Variants in SGMS1 observed in about 807,000 individuals in gnomAD.
SGMS1 encodes phosphatidylcholine:ceramide cholinephosphotransferase 1.
A neutral mutation model predicts 46.2 loss-of-function variants in SGMS1; 13 were observed. The ratio of observed to expected loss-of-function variants is 0.28; its 90% CI spans 0.18 to 0.45. The LOEUF (loss-of-function observed/expected upper bound fraction) is 0.45. Ranked by LOEUF, SGMS1 falls within the 20% of genes least tolerant of loss-of-function variation. The probability of loss-of-function intolerance (pLI) is 1.00; values close to 1 mark genes in which losing one functional copy is unlikely to be tolerated. For missense variants in SGMS1, 324 were observed against 519.9 expected (o/e 0.62, Z 3.66); for synonymous variants, 203 against 187.8 (o/e 1.08, Z -0.66).
At chr10:50,593,417 C>T (rs949256964) in intron 1 of SGMS1, among the ~76,000 whole-genome samples, 1 of 152,134 alleles carries the variant, frequency 6.6e-6, no homozygotes, top group Non-Finnish European at 1.5e-5. Context: ...GTTTGTTATG[C>T]AGTGATAAGT....
intron 8 of SGMS1, among the ~76,000 whole-genome samples, chr10:50,320,914 A>G (rs1847430683): frequency 6.6e-6 from 1 of 152,194 alleles, no homozygotes; most frequent in South Asian, 2.1e-4. Context: ...AGGGAGTCAG[A>G]GGGGGATCTG....
At chr10:50,612,741 C>T (rs1174878526) in intron 1 of SGMS1, among the ~76,000 whole-genome samples, 1 of 152,202 alleles carries the variant, frequency 6.6e-6, no homozygotes, top group Non-Finnish European at 1.5e-5. Context: ...CAGAGCCTCG[C>T]TCTGTCGCCC....
At chr10:50,583,658 G>A (rs143748665) in intron 2 of SGMS1, among the ~76,000 whole-genome samples, 113 of 152,278 alleles carry the variant, frequency 7.4e-4, no homozygotes, top group African/African-American at 2.6e-3. Flanking sequence ...TTGATCCTTA[G>A]TCTAGCCCCT....
intron 2 of SGMS1, among the ~76,000 whole-genome samples, chr10:50,524,467 C>T (rs2133793562): frequency 6.6e-6 from 1 of 152,326 alleles, no homozygotes; most frequent in South Asian, 2.1e-4. Context: ...CCTTTCTTCT[C>T]TTGACTGTGA....
In SGMS1 at chr10:50,368,482, G is replaced by A. The variant is rs568391582; in HGVS notation, c.-231-24137C>T. On this transcript the variant is annotated intron_variant, in intron 6 of 10. Transcript: ENST00000361781. Reference sequence around the variant, plus strand: ...ATCAATTCTCCTGACTCAGCCTCCCGAGTAGCTGGGATTACTGGCACCTGC... The same window carrying A: ...ATCAATTCTCCTGACTCAGCCTCCCAAGTAGCTGGGATTACTGGCACCTGC... Among the ~76,000 whole-genome samples, 42 of 152,204 alleles carry A rather than the reference G, an allele frequency of 2.8e-4. 1 individual carries two copies. The highest frequency in any genetic ancestry group is 6.8e-3 in the Middle Eastern group (2 of 294).
intron 2 of SGMS1, among the ~76,000 whole-genome samples, chr10:50,567,847 C>G (rs1249345046): frequency 6.6e-6 from 1 of 152,214 alleles, no homozygotes; most frequent in East Asian, 1.9e-4. Context: ...CTGCTTCAAT[C>G]AAACAATCCT....
At position 50,466,934 on chromosome 10, in the gene SGMS1, TAGA is replaced by T. The variant is rs1404056408; in HGVS notation, c.-497-5_-497-3del. On this transcript the variant is annotated splice_region_variant and splice_polypyrimidine_tract_variant and intron_variant, in intron 3 of 10. Coordinates refer to ENST00000361781, the MANE Select transcript of SGMS1 (RefSeq NM_147156.4). ...TTCTTCATCAGTCTTCTTTCCAATC[TAGA>T]AGAAGTAATAAGTAAATTAAAGTGC... 2 of 152,176 alleles carry T rather than the reference TAGA, an allele frequency of 1.3e-5. No homozygotes were observed. The highest frequency in any genetic ancestry group is 2.4e-5 in the African/African-American group (1 of 41,418). The allele number at this position is 152,176 out of a possible 1,614,324, so 9.4% of individuals were successfully genotyped here.
At chr10:50,422,275 G>A (rs1849266652) in intron 6 of SGMS1, among the ~76,000 whole-genome samples, 1 of 152,110 alleles carries the variant, frequency 6.6e-6, no homozygotes, top group Admixed American at 6.5e-5. Context: ...TCATTGTTGT[G>A]AATATAATGA....
chr10:50,321,545 C>T (rs938928318), intron 8 of SGMS1, among the ~76,000 whole-genome samples: 1 of 151,370 alleles, frequency 6.6e-6, no homozygotes, highest in Admixed American at 6.6e-5. Context: ...ATGCAAGAAG[C>T]AGAAAAAAAA....
chr10:50,365,255 C>CAAAAAAAAAAAAAAAAAAAAAAGAA (rs1848316464), intron 6 of SGMS1, among the ~76,000 whole-genome samples: 1 of 45,026 alleles, frequency 2.2e-5, no homozygotes, highest in Non-Finnish European at 4.3e-5. Flanking sequence ...TCCATCTCAC[C>CAAAAAAAAAAAAAAAAAAAAAAGAA]AAAAAAAAAA....
At chr10:50,497,060 C>T (rs1261319165) in intron 3 of SGMS1, among the ~76,000 whole-genome samples, 1 of 152,194 alleles carries the variant, frequency 6.6e-6, no homozygotes, top group African/African-American at 2.4e-5. Flanking sequence ...TCTTCCAACA[C>T]TGAAATGTAG....
intron 3 of SGMS1, among the ~76,000 whole-genome samples, chr10:50,474,955 A>G (rs1484115036): frequency 2.6e-5 from 4 of 152,226 alleles, no homozygotes; most frequent in Non-Finnish European, 5.9e-5. Context: ...TTAAAAGAGC[A>G]TTTATCTCAG....
intron 3 of SGMS1, among the ~76,000 whole-genome samples, chr10:50,499,492 C>T (rs1208723000): frequency 1.3e-5 from 2 of 152,190 alleles, no homozygotes; most frequent in African/African-American, 4.8e-5. Flanking sequence ...CTTTCCTCAA[C>T]TACTCCCAGA....
rs577945461 is a variant in SGMS1 at position 50,435,919 on chromosome 10, C to G, written c.-312-2363G>C. ...TGATGCTGACTGCTCAGAATAAGTA[C>G]TCGTCTTTTACCTTCAGAACCAGTG... On this transcript the variant is annotated intron_variant, in intron 5 of 10. Coordinates refer to ENST00000361781, the MANE Select transcript of SGMS1 (RefSeq NM_147156.4). Among the ~76,000 whole-genome samples, 293 of 152,332 alleles carry G rather than the reference C, an allele frequency of 1.9e-3. 2 individuals carry two copies. The highest frequency in any genetic ancestry group is 6.8e-3 in the African/African-American group (281 of 41,572).
intron 2 of SGMS1, among the ~76,000 whole-genome samples, chr10:50,567,492 T>C (rs975467693): frequency 7.9e-5 from 12 of 152,332 alleles, no homozygotes; most frequent in African/African-American, 2.6e-4. Context: ...CTTTAAAATC[T>C]GGATTTCCAT....
chr10:50,382,243 T>C (rs1589416660), intron 6 of SGMS1, among the ~76,000 whole-genome samples: 1 of 152,042 alleles, frequency 6.6e-6, no homozygotes, highest in African/African-American at 2.4e-5. Context: ...CCATATACAA[T>C]AGGAAATTAA....
intron 2 of SGMS1, among the ~76,000 whole-genome samples, chr10:50,562,347 T>C (rs188232154): frequency 1.5e-5 from 1 of 64,766 alleles, no homozygotes; most frequent in African/African-American, 4.5e-5. Flanking sequence ...AGTGTGTGTG[T>C]GTGTGTGTGC....
At chr10:50,371,229 T>C (rs1218152750) in intron 6 of SGMS1, among the ~76,000 whole-genome samples, 1 of 152,210 alleles carries the variant, frequency 6.6e-6, no homozygotes, top group East Asian at 1.9e-4. Context: ...GGGACCACCA[T>C]TGTACAGATA....
intron 6 of SGMS1, among the ~76,000 whole-genome samples, chr10:50,358,375 A>G (rs1848190257): frequency 1.3e-5 from 2 of 152,306 alleles, no homozygotes; most frequent in East Asian, 3.9e-4. Context: ...TAAAAGCTTC[A>G]AGTTCAGATA....
Sources: gnomAD v4.1 joint callset for allele counts (sites outside exome capture counted in the v4.1 genomes callset) on GRCh38, gnomAD v4.1.1 for gene constraint, MANE v1.5 for transcripts, NCBI Gene and HGNC (gene_info 2026-07-23, HGNC 2026-07-21) for gene names.